The following ADGRA3 variants were observed in gnomAD, a reference collection of about 807,000 sequenced individuals.
ADGRA3 encodes the protein adhesion G protein-coupled receptor A3, also known as G-protein coupled receptor 125.
ADGRA3 carries 56 observed loss-of-function variants against 119.8 expected under a neutral mutation model. That is an observed-to-expected ratio of 0.47 (90% CI 0.38 to 0.58). The LOEUF is 0.58. Among genes scored for constraint, ADGRA3 ranks in the 20% least tolerant of loss-of-function variants. ADGRA3 has a pLI of 0.00. For synonymous variants in ADGRA3, 607 were observed against 623.8 expected (o/e 0.97, Z 0.40); for missense variants, 1,516 against 1,649.0 (o/e 0.92, Z 1.40).
chr4:22,450,671 A>G (rs1169951345), intron 4 of ADGRA3, among the ~76,000 whole-genome samples: 1 of 152,150 alleles, frequency 6.6e-6, no homozygotes, highest in East Asian at 1.9e-4. Context: ...TACATCATCT[A>G]TTATACAGAA....
chr4:22,507,522 G>A (rs1182215596), intron 1 of ADGRA3, among the ~76,000 whole-genome samples: 1 of 152,034 alleles, frequency 6.6e-6, no homozygotes, highest in East Asian at 1.9e-4. Flanking sequence ...CATCTTTACA[G>A]GCTCCTGGGA....
Position 22,486,850 on chromosome 4 carries a change from A to T in ADGRA3, c.258-13007T>A, listed in dbSNP as rs141178653. On this transcript the variant is annotated intron_variant, in intron 1 of 18. Coordinates refer to ENST00000334304, the MANE Select transcript of ADGRA3 (RefSeq NM_145290.4). ...CTTAGTTACTTAATGCCTCATCTGT[A>T]TATCATCCCAGGCCTTTCTAAGAGA... Among the ~76,000 whole-genome samples, 29 of 152,328 alleles carry T rather than the reference A, an allele frequency of 1.9e-4. No homozygotes were observed. The East Asian group carries it at 5.6e-3, about 29-fold the overall frequency.
intron 12 of ADGRA3, among the ~76,000 whole-genome samples, chr4:22,419,386 T>C (rs1715557040): frequency 6.6e-6 from 1 of 152,330 alleles, no homozygotes; most frequent in African/African-American, 2.4e-5. Flanking sequence ...ACTAATTTTC[T>C]GTCACGAGGG....
Position 22,388,370 on chromosome 4 carries a change from T to C in ADGRA3, c.3301A>G (p.Lys1101Glu). The C allele has an allele frequency of 6.2e-7, 1 of 1,614,038 alleles. No homozygotes were observed. Among genetic ancestry groups the C allele is most frequent in the Non-Finnish European group, 8.5e-7 (1 of 1,179,980 alleles). The change falls in exon 19 of 19, where the codon AAA becomes GAA. Residue 1101 changes from lysine (K) to glutamate (E), a missense_variant. Transcript: ENST00000334304. ...NSSAESSCTN[K>E]SASSFKNSSQ... The stretch of plus-strand genomic sequence containing the variant: ...GAATTTTTGAAGCTTGAAGCACTTT[T>C]GTTTGTGCATGAAGACTCCGCACTG...
rs571129332 is a variant in ADGRA3, at chr4:22,424,409, G to A, written c.1444-57C>T. ...CTTTAAAACCACCATAAACTATTTC[G>A]TAGAATCAAAATCCTAATGGACAGT... On this transcript the variant is annotated intron_variant, in intron 10 of 18. Coordinates refer to ENST00000334304, the MANE Select transcript of ADGRA3 (RefSeq NM_145290.4). The A allele has an allele frequency of 5.1e-5, 79 of 1,553,662 alleles. 1 individual carries two copies. Among genetic ancestry groups the A allele is most frequent in the Middle Eastern group, 4.2e-4 (2 of 4,808 alleles).
In ADGRA3 at chr4:22,461,797, T is replaced by C. The variant is rs1329833064; in HGVS notation, c.341A>G (p.Asn114Ser). ...TGGATCTATACTACTAATAAGATTG[T>C]TTCGGAGGTCCCTGTTAAAAATAAA... Reference protein sequence around the residue: ...LSLLERLDLRNNLISSIDPGA... With the variant: ...LSLLERLDLRSNLISSIDPGA... Residue 114 changes from asparagine (N) to serine (S), a missense_variant, in exon 3 of 19, where the codon AAC (asparagine) becomes AGC (serine). Transcript: ENST00000334304. The C allele has an allele frequency of 1.2e-6, 2 of 1,603,898 alleles. No homozygotes were observed.
At chr4:22,504,625 GCT>G (rs1338931593) in intron 1 of ADGRA3, among the ~76,000 whole-genome samples, 1 of 152,028 alleles carries the variant, frequency 6.6e-6, no homozygotes, top group Non-Finnish European at 1.5e-5. Context: ...GAAGCTCTCA[GCT>G]CTCTGTCCTA....
chr4:22,480,026 A>C (rs2109132043), intron 1 of ADGRA3, among the ~76,000 whole-genome samples: 1 of 152,312 alleles, frequency 6.6e-6, no homozygotes, highest in Middle Eastern at 3.4e-3. Flanking sequence ...GGAGAGCATT[A>C]GGAGAAATAC....
At position 22,388,771 on chromosome 4, in the gene ADGRA3, T is replaced by C; in HGVS notation, c.2900A>G (p.Asn967Ser). 2 of 1,614,104 alleles carry C rather than the reference T, an allele frequency of 1.2e-6. No individual in the cohort carries two copies. The highest frequency in any genetic ancestry group is 1.7e-6 in the Non-Finnish European group (2 of 1,179,948). Residue 967 changes from asparagine to serine, a missense_variant, in exon 19 of 19, where the codon AAT (asparagine) becomes AGT (serine). This residue lies in a region of ADGRA3 where 1,088 missense variants were observed against 1,107.1 expected (regional missense o/e 0.98). Transcript: ENST00000334304. ...TGAATCCTGATGATTTATTTCGCCA[T>C]TTTCATTGGCTGCCAATCTCTGTTG... ...EEQQRLAANE[N>S]GEINHQDSMS...
At chr4:22,456,416 A>G (rs1437993583) in intron 3 of ADGRA3, among the ~76,000 whole-genome samples, 1 of 152,118 alleles carries the variant, frequency 6.6e-6, no homozygotes, top group Non-Finnish European at 1.5e-5. Context: ...ACAAACAGGC[A>G]AAAGAGAGGG....
chr4:22,443,585 G>C (rs1041810257), intron 6 of ADGRA3, among the ~76,000 whole-genome samples: 1 of 151,922 alleles, frequency 6.6e-6, no homozygotes, highest in African/African-American at 2.4e-5. Context: ...AATTATTAAC[G>C]AGCTAAATAT....
rs182312793 is a variant in ADGRA3 at position 22,393,033 on chromosome 4, T to C, written c.2482-343A>G. Reference sequence around the variant, plus strand: ...TATACATTAGAGTTCATTTTCTTTTTTTTTTTTTTTTGGGACAGAGCCTCG... The same window carrying C: ...TATACATTAGAGTTCATTTTCTTTTCTTTTTTTTTTTGGGACAGAGCCTCG... On this transcript the variant is annotated intron_variant, in intron 16 of 18. Transcript: ENST00000334304. 242 of 165,134 alleles carry C rather than the reference T, an allele frequency of 1.5e-3. 2 individuals carry two copies. The highest frequency in any genetic ancestry group is 2.3e-3 in the African/African-American group (97 of 41,710). The allele number at this position is 165,134 out of a possible 1,614,324, so 10.2% of individuals were successfully genotyped here.
intron 4 of ADGRA3, among the ~76,000 whole-genome samples, chr4:22,448,786 G>A (rs2109082783): frequency 6.6e-6 from 1 of 152,222 alleles, no homozygotes; most frequent in Admixed American, 6.5e-5. Context: ...TAAGAAAAAG[G>A]CTGGATTCAG....
At chr4:22,494,725 A>G (rs1396179571) in intron 1 of ADGRA3, among the ~76,000 whole-genome samples, 1 of 151,970 alleles carries the variant, frequency 6.6e-6, no homozygotes, top group Non-Finnish European at 1.5e-5. Context: ...AAAATCTTCA[A>G]TTCTAATTAA....
At chr4:22,495,950 T>C (rs1254093543) in intron 1 of ADGRA3, among the ~76,000 whole-genome samples, 1 of 151,852 alleles carries the variant, frequency 6.6e-6, no homozygotes, top group African/African-American at 2.4e-5. Context: ...GAAAAAATAA[T>C]GATACAATTA....
rs1490365173 is a variant in ADGRA3 at position 22,388,959 on chromosome 4, A to C, written c.2724-12T>G. 6.2e-7 allele frequency: 1 copy of C among 1,612,038 alleles called. No individual in the cohort carries two copies. Among genetic ancestry groups the C allele is most frequent in the Non-Finnish European group, 8.5e-7 (1 of 1,178,824 alleles). ...ATGCCATCCAGCAACTGGAAAAGAA[A>C]ATGGTAAACCAGATCGATGCTACAT... On this transcript the variant is annotated splice_polypyrimidine_tract_variant and intron_variant, in intron 18 of 18. Transcript: ENST00000334304.
chr4:22,500,823 T>C (rs534836118), intron 1 of ADGRA3, among the ~76,000 whole-genome samples: 16 of 152,264 alleles, frequency 1.1e-4, no homozygotes, highest in African/African-American at 3.6e-4. Context: ...CTAATCCACT[T>C]TGGGGAAGAC....
At chr4:22,483,125 T>G (rs1168070280) in intron 1 of ADGRA3, among the ~76,000 whole-genome samples, 3 of 152,292 alleles carry the variant, frequency 2.0e-5, no homozygotes, top group Non-Finnish European at 4.4e-5. Flanking sequence ...CCCTCTCCTT[T>G]CACAGGTGCT....
intron 3 of ADGRA3, among the ~76,000 whole-genome samples, chr4:22,457,532 A>AG (rs2066970462): frequency 6.6e-6 from 1 of 152,186 alleles, no homozygotes; most frequent in South Asian, 2.1e-4. Context: ...TGTATCTTCT[A>AG]GTGGGAAGAA....
Sources: gnomAD v4.1 joint callset for allele counts (sites outside exome capture counted in the v4.1 genomes callset) on GRCh38, gnomAD v4.1.1 for gene constraint, gnomAD v4.1.1 regional missense constraint, MANE v1.5 for transcripts, NCBI Gene and HGNC (gene_info 2026-07-23, HGNC 2026-07-21) for gene names.